The following GNG2 variants were observed in gnomAD, a reference collection of about 807,000 sequenced individuals.
GNG2 encodes the protein guanine nucleotide-binding protein G(I)/G(S)/G(O) subunit gamma-2.
A neutral mutation model predicts 5.5 loss-of-function variants in GNG2; 5 were observed. The ratio of observed to expected loss-of-function variants is 0.91; its 90% CI spans 0.48 to 1.92. The LOEUF (loss-of-function observed/expected upper bound fraction) is 1.92. GNG2 is among the 30% of genes most tolerant of loss of function. The probability of loss-of-function intolerance (pLI) is 0.01; values close to 1 mark genes in which losing one functional copy is unlikely to be tolerated. For synonymous variants in GNG2, 28 were observed against 32.0 expected (o/e 0.88, Z 0.42); for missense variants, 55 against 88.4 (o/e 0.62, Z 1.52).
intron 2 of GNG2, among the ~76,000 whole-genome samples, chr14:51,832,008 G>T (rs1881207153): frequency 6.6e-6 from 1 of 152,172 alleles, no homozygotes; most frequent in Non-Finnish European, 1.5e-5. Flanking sequence ...AGGCTGGGCT[G>T]GCAGCTTATA....
At chr14:51,956,445 G>T (rs534556788) in intron 3 of GNG2, among the ~76,000 whole-genome samples, 4 of 152,256 alleles carry the variant, frequency 2.6e-5, no homozygotes, top group African/African-American at 9.6e-5. Flanking sequence ...GAATTAAATT[G>T]TAGGACACAC....
intron 2 of GNG2, chr14:51,878,080 C>A (rs1594866583): frequency 6.0e-6 from 1 of 166,236 alleles, no homozygotes; most frequent in East Asian, 1.8e-4. Context: ...GCTTTTCCAG[C>A]AGCAGCAGCA....
intron 2 of GNG2, among the ~76,000 whole-genome samples, chr14:51,890,001 C>T (rs1393427580): frequency 6.6e-6 from 1 of 152,160 alleles, no homozygotes; most frequent in Non-Finnish European, 1.5e-5. Flanking sequence ...ACAGTAGATA[C>T]AACTGAGTGA....
chr14:51,838,046 C>A (rs1026066763), intron 2 of GNG2, among the ~76,000 whole-genome samples: 2 of 152,064 alleles, frequency 1.3e-5, no homozygotes, highest in South Asian at 4.1e-4. Flanking sequence ...TACACACAAG[C>A]CCCACTGACA....
chr14:51,847,881 C>CTTT (rs540204195), intron 2 of GNG2, among the ~76,000 whole-genome samples: 10 of 48,138 alleles, frequency 2.1e-4, no homozygotes, highest in African/African-American at 4.3e-4. Flanking sequence ...GGTCCTTTTT[C>CTTT]TTTTTTTTTT....
chr14:51,853,518 G>A (rs180896724), intron 2 of GNG2, among the ~76,000 whole-genome samples: 27 of 152,276 alleles, frequency 1.8e-4, no homozygotes, highest in African/African-American at 6.3e-4. Context: ...AATCAACAAA[G>A]ACATAAAGAA....
chr14:51,933,323 G>T (rs573425779), intron 2 of GNG2, among the ~76,000 whole-genome samples: 1 of 152,142 alleles, frequency 6.6e-6, no homozygotes, highest in Admixed American at 6.5e-5. Context: ...GACAAATGTC[G>T]TTGCAGGAAA....
chr14:51,890,389 G>A (rs764769636), intron 2 of GNG2, among the ~76,000 whole-genome samples: 3 of 152,156 alleles, frequency 2.0e-5, no homozygotes, highest in African/African-American at 4.8e-5. Flanking sequence ...GTGTCATTTA[G>A]TTTAAATCTT....
intron 2 of GNG2, among the ~76,000 whole-genome samples, chr14:51,931,704 G>A (rs1460953574): frequency 6.6e-6 from 1 of 152,178 alleles, no homozygotes; most frequent in East Asian, 1.9e-4. Context: ...CCAAGTATTG[G>A]TGAGGATGTA....
chr14:51,855,336 C>T (rs1882106492), intron 2 of GNG2, among the ~76,000 whole-genome samples: 1 of 152,188 alleles, frequency 6.6e-6, no homozygotes, highest in African/African-American at 2.4e-5. Context: ...AGGCCAGGCA[C>T]TCTCTCTCCA....
intron 2 of GNG2, among the ~76,000 whole-genome samples, chr14:51,849,166 G>A (rs528805059): frequency 2.8e-4 from 42 of 152,194 alleles, no homozygotes; most frequent in Non-Finnish European, 4.6e-4. Context: ...AAGGTGGCTC[G>A]CTTACATGGC....
intron 3 of GNG2, among the ~76,000 whole-genome samples, chr14:51,961,205 A>G (rs1889595297): frequency 6.6e-6 from 1 of 152,228 alleles, no homozygotes; most frequent in African/African-American, 2.4e-5. Flanking sequence ...AATTTAAGGC[A>G]GGAGAGTTTA....
At chr14:51,882,631 T>G (rs1056127250) in intron 2 of GNG2, among the ~76,000 whole-genome samples, 2 of 152,236 alleles carry the variant, frequency 1.3e-5, no homozygotes, top group African/African-American at 2.4e-5. Context: ...AAATTTGTTT[T>G]TAAGTTTAAA....
intron 1 of GNG2, among the ~76,000 whole-genome samples, chr14:51,870,830 G>C (rs948607264): frequency 4.6e-5 from 7 of 152,162 alleles, no homozygotes; most frequent in Admixed American, 2.6e-4. Flanking sequence ...AGTGAAAAAG[G>C]GAAATTTCAG....
At chr14:51,944,493 G>A (rs1318759880) in intron 2 of GNG2, among the ~76,000 whole-genome samples, 1 of 152,142 alleles carries the variant, frequency 6.6e-6, no homozygotes, top group Non-Finnish European at 1.5e-5. Flanking sequence ...TATATTGAGG[G>A]TTAAGCTTTC....
intron 2 of GNG2, among the ~76,000 whole-genome samples, chr14:51,945,110 GAAAAC>G (rs900894735): frequency 3.5e-5 from 5 of 143,582 alleles, no homozygotes; most frequent in Admixed American, 1.4e-4. Flanking sequence ...TGGCTACTAT[GAAAAC>G]AAAACAAAAC....
Position 51,966,894 on chromosome 14 carries a change from A to G in GNG2, c.*207A>G. 2.6e-6 allele frequency: 1 copy of G among 386,768 alleles called. No homozygotes were observed. Among genetic ancestry groups the G allele is most frequent in the Non-Finnish European group, 4.7e-6 (1 of 211,538 alleles). 24.0% of individuals were successfully genotyped at this position (386,768 alleles called of 1,614,324 possible). On this transcript the variant is annotated 3_prime_UTR_variant, in exon 4 of 4. Coordinates refer to ENST00000556766, the MANE Select transcript of GNG2 (RefSeq NM_053064.5). ...TCCTGACTTAAGAGATCTGATTCTG[A>G]CGAACTGCCTGGAGGAGGGGAATAT... is the stretch of plus-strand genomic sequence containing the variant.
chr14:51,924,078 C>G (rs1046050987), intron 2 of GNG2, among the ~76,000 whole-genome samples: 1 of 152,138 alleles, frequency 6.6e-6, no homozygotes, highest in African/African-American at 2.4e-5. Context: ...TCATTCATAC[C>G]TTATAAATTA....
chr14:51,927,671 A>G (rs1025374722), intron 2 of GNG2, among the ~76,000 whole-genome samples: 1 of 152,210 alleles, frequency 6.6e-6, no homozygotes, highest in Non-Finnish European at 1.5e-5. Flanking sequence ...ACTGCCTGGT[A>G]CATTAAATAG....
Sources: gnomAD v4.1 joint callset for allele counts (sites outside exome capture counted in the v4.1 genomes callset) on GRCh38, gnomAD v4.1.1 for gene constraint, MANE v1.5 for transcripts, NCBI Gene and HGNC (gene_info 2026-07-23, HGNC 2026-07-21) for gene names.